The following GRID2 variants were observed in gnomAD, a reference collection of about 807,000 sequenced individuals.
The protein encoded by GRID2 is glutamate receptor ionotropic, delta-2.
GRID2 carries 33 observed loss-of-function variants against 114.8 expected under a neutral mutation model. That is an observed-to-expected ratio of 0.29 (90% CI 0.22 to 0.38). GRID2 has a LOEUF of 0.38. Ranked by LOEUF, GRID2 falls within the 10% of genes least tolerant of loss-of-function variation. The pLI, the probability that GRID2 is intolerant of heterozygous loss-of-function variation, is 1.00. For missense variants in GRID2, 1,184 were observed against 1,257.7 expected (o/e 0.94, Z 0.89); for synonymous variants, 505 against 449.9 (o/e 1.12, Z -1.55).
intron 1 of GRID2, among the ~76,000 whole-genome samples, chr4:92,487,417 A>T (rs1408768837): frequency 6.6e-6 from 1 of 152,020 alleles, no homozygotes; most frequent in African/African-American, 2.4e-5. Flanking sequence ...AAAAATGAAT[A>T]CTACTACTAG....
chr4:92,514,308 A>G (rs1226016491), intron 1 of GRID2, among the ~76,000 whole-genome samples: 2 of 151,858 alleles, frequency 1.3e-5, no homozygotes, highest in African/African-American at 4.8e-5. Context: ...TGACAGCACA[A>G]GTTACTTTAT....
chr4:92,746,525 T>C (rs1737156961), intron 2 of GRID2, among the ~76,000 whole-genome samples: 1 of 152,092 alleles, frequency 6.6e-6, no homozygotes, highest in Admixed American at 6.5e-5. Context: ...ATTAGATGTG[T>C]TTACCTGAAA....
chr4:92,961,467 G>A (rs1418003344), intron 2 of GRID2, among the ~76,000 whole-genome samples: 1 of 150,728 alleles, frequency 6.6e-6, no homozygotes, highest in Non-Finnish European at 1.5e-5. Context: ...TTAGGTTGAT[G>A]ATATTTTCCT....
chr4:92,646,649 T>TTAC (rs1731645126), intron 2 of GRID2, among the ~76,000 whole-genome samples: 2 of 152,248 alleles, frequency 1.3e-5, no homozygotes, highest in Admixed American at 1.3e-4. Flanking sequence ...TTTGATTTGT[T>TTAC]ATTATGACTA....
chr4:92,540,915 T>C (rs1321631653), intron 1 of GRID2, among the ~76,000 whole-genome samples: 2 of 152,176 alleles, frequency 1.3e-5, no homozygotes, highest in Admixed American at 6.5e-5. Flanking sequence ...AATGATAGAC[T>C]GGATTAAGAA....
At chr4:92,652,458 G>A (rs1731989698) in intron 2 of GRID2, among the ~76,000 whole-genome samples, 1 of 151,692 alleles carries the variant, frequency 6.6e-6, no homozygotes, top group African/African-American at 2.4e-5. Context: ...CAGGAGGAAT[G>A]CTAGAGGCCA....
At chr4:93,807,556 T>C (rs930028109) in exon 2 of GRID2, 2 of 152,180 alleles carry the variant, frequency 1.3e-5, no homozygotes, top group Non-Finnish European at 2.9e-5. Flanking sequence ...AGCCTCCAGT[T>C]TGAATCCACA....
rs559540072 is a variant in GRID2 at position 93,235,972 on chromosome 4, C to T, written c.1126-2399C>T. Among the ~76,000 whole-genome samples, 759 of 151,778 alleles carry T rather than the reference C, an allele frequency of 5.0e-3. 3 individuals are homozygous for T. The highest frequency in any genetic ancestry group is 0.01 in the South Asian group (49 of 4,802). On this transcript the variant is annotated intron_variant, in intron 7 of 15. Transcript: ENST00000282020. ...TTATATTGATATATGATATCTTTTT[C>T]GTATAAATAAGCTACTAAAACATAA...
intron 4 of GRID2, among the ~76,000 whole-genome samples, chr4:93,117,710 G>A (rs181101270): frequency 3.3e-5 from 5 of 152,046 alleles, no homozygotes; most frequent in Non-Finnish European, 7.4e-5. Context: ...CAAACATAGT[G>A]CTAAAGTGCT....
chr4:92,484,893 G>T (rs995580794), intron 1 of GRID2, among the ~76,000 whole-genome samples: 2 of 151,734 alleles, frequency 1.3e-5, no homozygotes, highest in Non-Finnish European at 2.9e-5. Flanking sequence ...TTTAAACTCA[G>T]ATTAATGAAA....
intron 6 of GRID2, among the ~76,000 whole-genome samples, chr4:93,221,327 G>T (rs187552111): frequency 1.5e-4 from 23 of 152,222 alleles, no homozygotes; most frequent in African/African-American, 5.5e-4. Flanking sequence ...CTAAAAGAAA[G>T]ATATCTCAAA....
At chr4:92,899,651 T>C (rs1024816942) in intron 2 of GRID2, among the ~76,000 whole-genome samples, 1 of 152,214 alleles carries the variant, frequency 6.6e-6, no homozygotes. Context: ...TCTTCAGATC[T>C]TCAGACCAAA....
At chr4:93,678,295 A>G (rs557326879) in intron 14 of GRID2, among the ~76,000 whole-genome samples, 4,646 of 152,274 alleles carry the variant, frequency 0.031, 112 homozygotes, top group African/African-American at 0.062. Flanking sequence ...CCAAATCTGC[A>G]TCTGATTGGT....
At chr4:92,436,569 TCTAA>T (rs1023371394) in intron 1 of GRID2, among the ~76,000 whole-genome samples, 80 of 152,122 alleles carry the variant, frequency 5.3e-4, no homozygotes, top group Non-Finnish European at 6.0e-4. Context: ...ATTTTGTTTT[TCTAA>T]CTGTGAAGTG....
intron 1 of GRID2, among the ~76,000 whole-genome samples, chr4:92,487,510 G>A (rs1722951790): frequency 6.6e-6 from 1 of 151,798 alleles, no homozygotes; most frequent in Admixed American, 6.6e-5. Flanking sequence ...ATTTCCACTA[G>A]ATAATAGACT....
intron 14 of GRID2, among the ~76,000 whole-genome samples, chr4:93,745,098 G>T (rs1405694759): frequency 1.3e-5 from 2 of 152,102 alleles, no homozygotes; most frequent in African/African-American, 4.8e-5. Context: ...ACAAAAACAT[G>T]ACTTGCTTTA....
chr4:92,479,600 C>T (rs1722484826), intron 1 of GRID2, among the ~76,000 whole-genome samples: 1 of 152,180 alleles, frequency 6.6e-6, no homozygotes, highest in Non-Finnish European at 1.5e-5. Flanking sequence ...ATTAAGTTCA[C>T]ATGGAAAAGC....
chr4:93,406,283 C>T (rs1766406168), intron 9 of GRID2, among the ~76,000 whole-genome samples: 1 of 152,070 alleles, frequency 6.6e-6, no homozygotes, highest in African/African-American at 2.4e-5. Context: ...ACTAAATGAT[C>T]CCAACAATTA....
At chr4:93,559,297 G>A (rs1416368599) in intron 13 of GRID2, among the ~76,000 whole-genome samples, 1 of 152,112 alleles carries the variant, frequency 6.6e-6, no homozygotes, top group Non-Finnish European at 1.5e-5. Context: ...GAGTGAACAG[G>A]CAACCTACAG....
Sources: gnomAD v4.1 joint callset for allele counts (sites outside exome capture counted in the v4.1 genomes callset) on GRCh38, gnomAD v4.1.1 for gene constraint, MANE v1.5 for transcripts, NCBI Gene and HGNC (gene_info 2026-07-23, HGNC 2026-07-21) for gene names.